DMP1: variants seen among roughly 807,000 people sequenced by gnomAD.
DMP1 encodes dentin matrix protein 1.
DMP1 carries 20 observed loss-of-function variants against 14.6 expected under a neutral mutation model. The observed-to-expected ratio is 1.37, with a 90% CI of 0.96 to 1.99. DMP1 has a LOEUF of 1.99. Among genes scored for constraint, DMP1 ranks in the 30% most tolerant of loss-of-function variants. The probability of loss-of-function intolerance (pLI) is 0.00; values close to 1 mark genes in which losing one functional copy is unlikely to be tolerated. For synonymous variants in DMP1, 197 were observed against 215.3 expected (o/e 0.91, Z 0.75); for missense variants, 567 against 620.5 (o/e 0.91, Z 0.92).
chr4:87,661,737 C>T (rs1291529769), intron 5 of DMP1, among the ~76,000 whole-genome samples: 6 of 150,622 alleles, frequency 4.0e-5, no homozygotes, highest in African/African-American at 1.5e-4. Flanking sequence ...AAAATGTTGG[C>T]AGCATTGAGT....
In DMP1 at chr4:87,663,883, T is replaced by A. The variant is rs138056175; in HGVS notation, c.*563T>A. ...AGGGAGGGCTTCATAGCAGAAGACA[T>A]TGGAGTTGGAAGGTTGCATAGGGTT... On this transcript the variant is annotated 3_prime_UTR_variant, in exon 6 of 6. Transcript: ENST00000339673. 1 of 160,338 alleles carries A rather than the reference T, an allele frequency of 6.2e-6. No homozygotes were observed. The highest frequency in any genetic ancestry group is 1.4e-5 in the Non-Finnish European group (1 of 72,330). 9.9% of individuals were successfully genotyped at this position (160,338 alleles called of 1,614,324 possible). A position where few individuals can be genotyped will look rare whatever the true frequency, so the allele number is the denominator to read the frequency against.
chr4:87,653,527 A>T (rs946459893), intron 1 of DMP1, among the ~76,000 whole-genome samples: 1 of 149,908 alleles, frequency 6.7e-6, no homozygotes, highest in Non-Finnish European at 1.5e-5. Context: ...CCTGGCTCAA[A>T]GAATTCTCCC....
At chr4:87,661,880 A>C in intron 5 of DMP1, 82 bp from the exon 6 acceptor site, 2 of 1,611,642 alleles carry the variant, frequency 1.2e-6, no homozygotes, top group Non-Finnish European at 1.7e-6. Flanking sequence ...CGAAGGAAGC[A>C]GAAAGACTAG....
intron 3 of DMP1, 51 bp downstream of exon 3, chr4:87,657,130 G>A: frequency 1.9e-6 from 2 of 1,064,340 alleles, no homozygotes; most frequent in South Asian, 2.7e-5. Flanking sequence ...TTTATTATGA[G>A]TATAACCAAA....
intron 5 of DMP1, among the ~76,000 whole-genome samples, chr4:87,660,411 A>T (rs1728826666): frequency 6.6e-6 from 1 of 152,142 alleles, no homozygotes; most frequent in Admixed American, 6.5e-5. Context: ...TGGGTTAACG[A>T]GGTATGGCAG....
intron 1 of DMP1, among the ~76,000 whole-genome samples, chr4:87,653,838 G>A (rs1728605544): frequency 6.6e-6 from 1 of 152,058 alleles, no homozygotes; most frequent in South Asian, 2.1e-4. Context: ...CTGAAGGTTT[G>A]CTGAAAATCA....
In DMP1 at chr4:87,657,094, G is replaced by A; in HGVS notation, c.102+15G>A. On this transcript the variant is annotated intron_variant, in intron 3 of 5. Transcript: ENST00000339673. ...AAGAATGGAAGGTGAGTAGAAATAT[G>A]ACTTTTTGAAATATTTTAATTTTAA... 1 of 1,444,890 alleles carries A rather than the reference G, an allele frequency of 6.9e-7. No homozygotes were observed. Among genetic ancestry groups the A allele is most frequent in the Non-Finnish European group, 9.7e-7 (1 of 1,029,138 alleles). The allele number at this position is 1,444,890 out of a possible 1,614,324, so 89.5% of individuals were successfully genotyped here.
At chr4:87,655,975 T>C (rs7678998) in intron 1 of DMP1, among the ~76,000 whole-genome samples, 42,631 of 152,092 alleles carry the variant, frequency 0.28, 6,254 homozygotes, top group East Asian at 0.42. Flanking sequence ...TGAGTTATAA[T>C]CTATACACCA....
In DMP1 at chr4:87,663,351, T is replaced by C. The variant is rs536209200; in HGVS notation, c.*31T>C. On this transcript the variant is annotated 3_prime_UTR_variant, in exon 6 of 6. Coordinates refer to ENST00000339673, the MANE Select transcript of DMP1 (RefSeq NM_004407.4). Reference sequence around the variant, plus strand: ...GCTGTCCTAAGAAGCAGTTGTCACATAAAGGAGTCTTAGGGACTTGAAAAT... The same window carrying C: ...GCTGTCCTAAGAAGCAGTTGTCACACAAAGGAGTCTTAGGGACTTGAAAAT... 1.2e-6 allele frequency: 2 copies of C among 1,614,070 alleles called. No homozygotes were observed. The highest frequency in any genetic ancestry group is 1.7e-6 in the Non-Finnish European group (2 of 1,179,958).
chr4:87,662,618 C>A lies in DMP1; in HGVS notation c.840C>A (p.Ser280Arg). ...KSRISEEDDR[S>R]ELDDNNTMEE... ...GCATCTCAGAGGAAGATGACAGAAG[C>A]GAGCTTGATGACAACAACACAATGG... The change falls in exon 6 of 6, where the codon AGC (serine) becomes AGA (arginine). Residue 280 changes from serine to arginine, a missense_variant. Coordinates refer to ENST00000339673, the MANE Select transcript of DMP1 (RefSeq NM_004407.4). 1 of 1,614,106 alleles carries A rather than the reference C, an allele frequency of 6.2e-7. No homozygotes were observed. Among genetic ancestry groups the A allele is most frequent in the South Asian group, 1.1e-5 (1 of 91,070 alleles).
chr4:87,655,909 C>T (rs886220395), intron 1 of DMP1, among the ~76,000 whole-genome samples: 6 of 152,166 alleles, frequency 3.9e-5, no homozygotes, highest in African/African-American at 1.4e-4. Flanking sequence ...TACATCTCCT[C>T]ATTGAAACAT....
chr4:87,655,380 C>G (rs1162594037), intron 1 of DMP1, among the ~76,000 whole-genome samples: 1 of 152,078 alleles, frequency 6.6e-6, no homozygotes, highest in Non-Finnish European at 1.5e-5. Flanking sequence ...TGAAGTTACC[C>G]TCCAGAAAAA....
Position 87,662,963 on chromosome 4 carries a change from A to G in DMP1, c.1185A>G (p.Ser395=), listed in dbSNP as rs142714056. 5 of 1,614,056 alleles carry G rather than the reference A, an allele frequency of 3.1e-6. No homozygotes were observed. The Admixed American group carries it at 8.3e-5, about 27-fold the overall frequency. Residue 395 remains serine (S), a synonymous_variant, in exon 6 of 6, where the codon TCA becomes TCG. Transcript: ENST00000339673. The part of the protein sequence containing the change: ...EEDSSHTLSH[S]KSESREEQAD... ...ACAGCTCGCACACACTCTCCCACTC[A>G]AAAAGTGAATCCAGAGAGGAGCAAG... is the stretch of plus-strand genomic sequence containing the variant.
At chr4:87,654,336 G>A (rs1195470637) in intron 1 of DMP1, among the ~76,000 whole-genome samples, 1 of 152,064 alleles carries the variant, frequency 6.6e-6, no homozygotes, top group Admixed American at 6.6e-5. Flanking sequence ...GAGAATGAGG[G>A]GCCAGAGATA....
chr4:87,651,861 CT>C (rs1728537862), intron 1 of DMP1, among the ~76,000 whole-genome samples: 1 of 152,010 alleles, frequency 6.6e-6, no homozygotes, highest in African/African-American at 2.4e-5. Context: ...CTTTTCAAAC[CT>C]TTATTTTCTT....
chr4:87,657,282 T>G lies in DMP1; in HGVS notation c.102+203T>G. 6.5e-6 allele frequency: 3 copies of G among 462,812 alleles called. No homozygotes were observed. In the South Asian group the frequency reaches 8.7e-5, roughly 13 times the overall value. 28.7% of individuals were successfully genotyped at this position (462,812 alleles called of 1,614,324 possible). A position where few individuals can be genotyped will look rare whatever the true frequency, so the allele number is the denominator to read the frequency against. On this transcript the variant is annotated intron_variant, in intron 3 of 5. Transcript: ENST00000339673. Reference sequence around the variant, plus strand: ...GCAAGGAAGCATATTTTCTGTTAGCTTTCTTCTTATAATGGATGTGTATAA... The same window carrying G: ...GCAAGGAAGCATATTTTCTGTTAGCGTTCTTCTTATAATGGATGTGTATAA...
intron 1 of DMP1, among the ~76,000 whole-genome samples, chr4:87,655,932 T>A (rs1273968649): frequency 1.3e-5 from 2 of 152,206 alleles, no homozygotes; most frequent in African/African-American, 4.8e-5. Context: ...TCAATTTATT[T>A]CTTAGGAGTG....
chr4:87,662,019 C>T lies in DMP1; in HGVS notation c.241C>T (p.His81Tyr). 1 of 1,614,182 alleles carries T rather than the reference C, an allele frequency of 6.2e-7. No homozygotes were observed. The highest frequency in any genetic ancestry group is 8.5e-7 in the Non-Finnish European group (1 of 1,180,040). Reference protein sequence around the residue: ...QSEEGLGSDDHQYIYRLAGGF... With the variant: ...QSEEGLGSDDYQYIYRLAGGF... ...AGAGGAGGGCCTGGGCTCTGATGATCATCAATACATTTATAGGCTAGCTGG... is the reference window on the plus strand; with the variant it reads ...AGAGGAGGGCCTGGGCTCTGATGATTATCAATACATTTATAGGCTAGCTGG... The change falls in exon 6 of 6, where the codon CAT becomes TAT. Residue 81 changes from histidine (H) to tyrosine (Y), a missense_variant. Transcript: ENST00000339673.
chr4:87,657,175 C>A, intron 3 of DMP1, 96 bp downstream of exon 3: 4 of 729,962 alleles, frequency 5.5e-6, no homozygotes, highest in Non-Finnish European at 9.6e-6. Context: ...CTGCTAATGA[C>A]TTCATCAGCA....
Sources: gnomAD v4.1 joint callset for allele counts (sites outside exome capture counted in the v4.1 genomes callset) on GRCh38, gnomAD v4.1.1 for gene constraint, MANE v1.5 for transcripts, NCBI Gene and HGNC (gene_info 2026-07-23, HGNC 2026-07-21) for gene names.